RNF150: variants seen among roughly 807,000 people sequenced by gnomAD.
The protein encoded by RNF150 is ring finger protein 150.
A neutral mutation model predicts 39.3 loss-of-function variants in RNF150; 24 were observed. The ratio of observed to expected loss-of-function variants is 0.61; its 90% CI spans 0.44 to 0.86. RNF150 has a LOEUF of 0.86. Among genes scored for constraint, RNF150 ranks in the 40% least tolerant of loss-of-function variants. The pLI is 0.00. For synonymous variants in RNF150, 255 were observed against 227.3 expected (o/e 1.12, Z -1.10); for missense variants, 502 against 587.8 (o/e 0.85, Z 1.51).
chr4:141,112,827 T>G (rs1409668572), intron 1 of RNF150, among the ~76,000 whole-genome samples: 1 of 152,176 alleles, frequency 6.6e-6, no homozygotes, highest in Non-Finnish European at 1.5e-5. Flanking sequence ...ATTTTCCAAC[T>G]TGGTTTCATT....
At chr4:140,955,336 G>A (rs1247649385) in intron 2 of RNF150, among the ~76,000 whole-genome samples, 2 of 152,038 alleles carry the variant, frequency 1.3e-5, no homozygotes, top group Non-Finnish European at 2.9e-5. Context: ...ATCAGGGTTT[G>A]TTGTTGTTGT....
rs1348231456 is a variant in RNF150, at chr4:141,132,358, T to C, written c.451A>G (p.Asn151Asp). Residue 151 changes from asparagine (N) to aspartate (D), a missense_variant, in exon 1 of 7, where the codon AAC becomes GAC. Physicochemically the swap from Asn to Asp is conservative, Grantham distance 23. Coordinates refer to ENST00000515673, the MANE Select transcript of RNF150 (RefSeq NM_020724.2). The surrounding 1 kb of genome is among the most constrained non-coding windows in gnomAD (Gnocchi z 4.9). ...GGCATGGTGATGGTCTCGTTGGTGT[T>C]GGAGCCCACGTTGAAGATGACCACG... ...SAVVIFNVGS[N>D]TNETITMPHA... 4 of 1,593,058 alleles carry C rather than the reference T, an allele frequency of 2.5e-6. No homozygotes were observed. In the Admixed American group the frequency reaches 5.3e-5, roughly 21 times the overall value.
chr4:141,116,097 C>G (rs1030813447), intron 1 of RNF150, among the ~76,000 whole-genome samples: 7 of 152,128 alleles, frequency 4.6e-5, no homozygotes, highest in Non-Finnish European at 8.8e-5. Flanking sequence ...GACTTCATGA[C>G]TAAAACACCA....
At chr4:141,109,999 C>T (rs1236998432) in intron 1 of RNF150, among the ~76,000 whole-genome samples, 1 of 152,066 alleles carries the variant, frequency 6.6e-6, no homozygotes, top group Non-Finnish European at 1.5e-5. Context: ...TCAAAGTTGC[C>T]AGGATATGAG....
intron 1 of RNF150, among the ~76,000 whole-genome samples, chr4:140,995,971 C>CT (rs1375033998): frequency 6.6e-6 from 1 of 151,928 alleles, no homozygotes; most frequent in Non-Finnish European, 1.5e-5. Context: ...TACTGATTTC[C>CT]TTTTTTGGGG....
chr4:140,877,199 C>G (rs1447379166), intron 6 of RNF150, among the ~76,000 whole-genome samples: 1 of 152,160 alleles, frequency 6.6e-6, no homozygotes, highest in Non-Finnish European at 1.5e-5. Context: ...GCAGTTCATT[C>G]ATTGAGTCAT....
chr4:141,050,813 G>A (rs1736747809), intron 1 of RNF150, among the ~76,000 whole-genome samples: 1 of 152,168 alleles, frequency 6.6e-6, no homozygotes, highest in Non-Finnish European at 1.5e-5. Context: ...CACACTGTCA[G>A]TGCATCTACC....
chr4:140,932,559 G>T (rs986797112), intron 4 of RNF150, among the ~76,000 whole-genome samples: 26 of 152,184 alleles, frequency 1.7e-4, no homozygotes, highest in African/African-American at 5.1e-4. Context: ...GCTGTCACAG[G>T]TAAGGGGGGT....
At position 140,982,583 on chromosome 4, in the gene RNF150, C is replaced by A. The variant is rs867405395; in HGVS notation, c.485-14710G>T. 2.0e-3 allele frequency among the ~76,000 whole-genome samples: 277 copies of A among 139,966 alleles called. 2 individuals are homozygous for A. The highest frequency in any genetic ancestry group is 6.8e-3 in the African/African-American group (262 of 38,488). 91.8% of individuals were successfully genotyped at this position (139,966 alleles called of 152,430 possible). On this transcript the variant is annotated intron_variant, in intron 1 of 6. Coordinates refer to ENST00000515673, the MANE Select transcript of RNF150 (RefSeq NM_020724.2). ...GAGCAGAACGATTGTTAGGGACTAA[C>A]AAAACCTTGCAGGTCCTCATCCTGT... is the stretch of plus-strand genomic sequence containing the variant.
chr4:141,166,043 A>G (rs1276593095), intron 1 of RNF150, among the ~76,000 whole-genome samples: 1 of 152,162 alleles, frequency 6.6e-6, no homozygotes, highest in East Asian at 1.9e-4. Context: ...CAAAATAGAT[A>G]GACTACTAGC....
At chr4:141,141,232 G>A (rs1303367381) in intron 1 of RNF150, among the ~76,000 whole-genome samples, 1 of 152,194 alleles carries the variant, frequency 6.6e-6, no homozygotes, top group Non-Finnish European at 1.5e-5. Context: ...AGTACCTTCT[G>A]TAAAGTTTCT....
At chr4:141,037,805 T>G (rs1159673972) in intron 1 of RNF150, among the ~76,000 whole-genome samples, 1 of 152,152 alleles carries the variant, frequency 6.6e-6, no homozygotes, top group Non-Finnish European at 1.5e-5. Context: ...AATGGAAGAT[T>G]AACAGTACAA....
At chr4:140,948,047 G>T (rs890272416) in intron 3 of RNF150, among the ~76,000 whole-genome samples, 1 of 152,110 alleles carries the variant, frequency 6.6e-6, no homozygotes, top group Non-Finnish European at 1.5e-5. Flanking sequence ...TATTTGTGGT[G>T]AATCATCTGA....
chr4:141,185,814 T>A (rs182902237), intron 1 of RNF150, among the ~76,000 whole-genome samples: 269 of 152,338 alleles, frequency 1.8e-3, no homozygotes, highest in African/African-American at 6.3e-3. Flanking sequence ...TTGGCTCTGT[T>A]TACGTGATGA....
intron 1 of RNF150, among the ~76,000 whole-genome samples, chr4:141,197,711 T>C (rs1560775749): frequency 6.6e-6 from 1 of 151,868 alleles, no homozygotes; most frequent in Admixed American, 6.6e-5. Flanking sequence ...ACCCCATCTC[T>C]ACTAAAACTA....
At chr4:140,881,329 A>G (rs1729366150) in intron 6 of RNF150, among the ~76,000 whole-genome samples, 1 of 151,964 alleles carries the variant, frequency 6.6e-6, no homozygotes, top group Admixed American at 6.6e-5. Flanking sequence ...CATCTGGATA[A>G]TTTTTGTATT....
chr4:140,969,773 T>TTA lies in RNF150; in HGVS notation c.485-1901_485-1900insTA, dbSNP rs1363021139. Among the ~76,000 whole-genome samples, 7 of 144,886 alleles carry TTA rather than the reference T, an allele frequency of 4.8e-5. No individual in the cohort carries two copies. In the East Asian group the frequency reaches 1.4e-3, roughly 29 times the overall value. ...AAGTTTTACTTTTTTTTTTTTTTTT[T>TTA]TTTTTTGAGACAGAGTCTTGCTCTG... On this transcript the variant is annotated intron_variant, in intron 1 of 6. Coordinates refer to ENST00000515673, the MANE Select transcript of RNF150 (RefSeq NM_020724.2).
At chr4:141,174,936 T>A (rs1374504191) in intron 1 of RNF150, among the ~76,000 whole-genome samples, 1 of 151,040 alleles carries the variant, frequency 6.6e-6, no homozygotes, top group East Asian at 1.9e-4. Flanking sequence ...GAAGGAGTTG[T>A]AAGCATTGAT....
intron 1 of RNF150, among the ~76,000 whole-genome samples, chr4:141,158,995 G>A (rs1727467110): frequency 2.0e-5 from 3 of 152,112 alleles, no homozygotes; most frequent in Admixed American, 6.5e-5. Context: ...GGTGTGAATC[G>A]TTTCATAAAA....
Sources: allele counts gnomAD v4.1 joint callset (sites outside exome capture counted in the v4.1 genomes callset), GRCh38; gene constraint gnomAD v4.1.1; non-coding constraint Gnocchi (gnomAD v3.1); transcripts MANE v1.5; gene names NCBI Gene and HGNC (gene_info 2026-07-23, HGNC 2026-07-21).